Variants in SLC16A4 observed in about 807,000 individuals in gnomAD.
SLC16A4 encodes solute carrier family 16 member 4.
Under a neutral mutation model 47.9 loss-of-function variants are expected in SLC16A4, and 39 were observed. The observed-to-expected ratio is 0.81, with a 90% CI of 0.63 to 1.06. The LOEUF (loss-of-function observed/expected upper bound fraction) is 1.06, where lower values mean the gene tolerates loss of function less well. SLC16A4 is among the 50% of genes least tolerant of loss of function. The probability of loss-of-function intolerance (pLI) is 0.00; values close to 1 mark genes in which losing one functional copy is unlikely to be tolerated. For synonymous variants in SLC16A4, 189 were observed against 199.9 expected (o/e 0.95, Z 0.46); for missense variants, 524 against 573.8 (o/e 0.91, Z 0.89).
At chr1:110,383,097 T>C (rs1046815016) in intron 2 of SLC16A4, 131 bp from the exon 3 acceptor site, 1 of 664,172 alleles carries the variant, frequency 1.5e-6, no homozygotes, top group Admixed American at 3.3e-5. Flanking sequence ...TTGAGCCTCA[T>C]TATACATCTT....
chr1:110,389,406 CTT>C, intron 1 of SLC16A4, 51 bp from the exon 2 acceptor site: 2 of 1,094,004 alleles, frequency 1.8e-6, no homozygotes, highest in Non-Finnish European at 2.8e-6. Flanking sequence ...CTAATCTAAA[CTT>C]TTAAACTTTT....
chr1:110,382,966 C>G lies in SLC16A4; in HGVS notation c.88G>C (p.Val30Leu). 1 of 1,604,136 alleles carries G rather than the reference C, an allele frequency of 6.2e-7. No individual in the cohort carries two copies. Among genetic ancestry groups the G allele is most frequent in the South Asian group, 1.1e-5 (1 of 90,028 alleles). ...GTCATCCCCATCACAAACACATTCA[C>G]CTAAATCAAAGCAGACCAGAGTCCA... ...GWMIVIHFFL[V>L]NVFVMGMTKT... The change falls in exon 3 of 9, where the codon GTG becomes CTG. Residue 30 changes from valine (V) to leucine (L), a missense_variant and splice_region_variant. Transcript: ENST00000369779.
chr1:110,384,970 A>G (rs1215922075), intron 2 of SLC16A4, among the ~76,000 whole-genome samples: 1 of 152,152 alleles, frequency 6.6e-6, no homozygotes, highest in African/African-American at 2.4e-5. Flanking sequence ...TTGTGATCAC[A>G]CTACTGCACT....
chr1:110,389,238 A>C lies in SLC16A4; in HGVS notation c.86T>G (p.Leu29Arg). ...AGGGGGAAAAAAGTGAATTCTTACC[A>C]GGAAAAAATGAATCACAATCATCCA... ...WGWMIVIHFF[L>R]VNVFVMGMTK... The change falls in exon 2 of 9, where the codon CTG becomes CGG. Residue 29 changes from leucine to arginine, a missense_variant and splice_region_variant. Coordinates refer to ENST00000369779, the MANE Select transcript of SLC16A4 (RefSeq NM_004696.3). The C allele has an allele frequency of 6.2e-7, 1 of 1,613,204 alleles. No homozygotes were observed. The highest frequency in any genetic ancestry group is 8.5e-7 in the Non-Finnish European group (1 of 1,179,108).
chr1:110,381,383 A>C (rs1218362337), intron 4 of SLC16A4, among the ~76,000 whole-genome samples: 1 of 152,172 alleles, frequency 6.6e-6, no homozygotes, highest in Non-Finnish European at 1.5e-5. Context: ...GTGCAGTGGC[A>C]CAATCTCGGC....
chr1:110,376,226 T>C (rs766493575), intron 7 of SLC16A4, among the ~76,000 whole-genome samples: 4 of 152,202 alleles, frequency 2.6e-5, no homozygotes, highest in Non-Finnish European at 5.9e-5. Flanking sequence ...ACCATTGGTT[T>C]GTAAGTAATC....
chr1:110,374,007 T>TTTTATATATATATATATA (rs1261662873), intron 8 of SLC16A4, among the ~76,000 whole-genome samples: 2 of 150,140 alleles, frequency 1.3e-5, no homozygotes, highest in Non-Finnish European at 3.0e-5. Context: ...TATCCTTAGT[T>TTTTATATATATATATATA]TATAGTCTCC....
intron 8 of SLC16A4, among the ~76,000 whole-genome samples, chr1:110,367,974 G>A (rs531367805): frequency 5.5e-4 from 83 of 152,044 alleles, no homozygotes; most frequent in South Asian, 4.8e-3. Context: ...GACCATAGGC[G>A]TCCGCCACCG....
chr1:110,367,706 A>AAT (rs748268052), intron 8 of SLC16A4, among the ~76,000 whole-genome samples: 14 of 151,716 alleles, frequency 9.2e-5, no homozygotes, highest in South Asian at 4.2e-4. Flanking sequence ...AAAAATTTAA[A>AAT]ATATATATAT....
At chr1:110,373,913 A>G (rs1219937917) in intron 8 of SLC16A4, among the ~76,000 whole-genome samples, 1 of 149,250 alleles carries the variant, frequency 6.7e-6, no homozygotes, top group Non-Finnish European at 1.5e-5. Context: ...CTGGACTCAC[A>G]CAATCCTCCC....
intron 3 of SLC16A4, 123 bp from the exon 4 acceptor site, chr1:110,381,918 A>G: frequency 1.1e-6 from 1 of 917,232 alleles, no homozygotes; most frequent in East Asian, 2.8e-5. Context: ...AGTATTACGT[A>G]TTCTTCAAAA....
At chr1:110,377,259 C>T in intron 6 of SLC16A4, 98 bp from the exon 7 acceptor site, 2 of 975,700 alleles carry the variant, frequency 2.0e-6, no homozygotes, top group South Asian at 1.6e-5. Context: ...CATCCTGAGG[C>T]CAGGATATGT....
At chr1:110,371,763 C>T (rs1250131879) in intron 8 of SLC16A4, 1 of 152,152 alleles carries the variant, frequency 6.6e-6, no homozygotes, top group Non-Finnish European at 1.5e-5. Flanking sequence ...TCCTAAAACT[C>T]ACCTACTCTA....
At chr1:110,374,514 T>G (rs1661875540) in intron 8 of SLC16A4, among the ~76,000 whole-genome samples, 1 of 152,242 alleles carries the variant, frequency 6.6e-6, no homozygotes, top group African/African-American at 2.4e-5. Context: ...CATAGTAATT[T>G]GTACACTGAA....
intron 8 of SLC16A4, among the ~76,000 whole-genome samples, chr1:110,374,645 G>C (rs1418096601): frequency 6.6e-6 from 1 of 152,212 alleles, no homozygotes; most frequent in Non-Finnish European, 1.5e-5. Flanking sequence ...AGTACAGAAT[G>C]TCTAATTAGG....
chr1:110,376,569 G>A, intron 7 of SLC16A4, among the ~76,000 whole-genome samples: 1 of 152,180 alleles, frequency 6.6e-6, no homozygotes, highest in Admixed American at 6.5e-5. Context: ...CACTGGTCGG[G>A]AAATCCTTTT....
intron 8 of SLC16A4, chr1:110,373,109 G>A (rs1186304402): frequency 6.6e-6 from 1 of 151,846 alleles, no homozygotes; most frequent in Admixed American, 6.6e-5. Flanking sequence ...TTCTTTTCAG[G>A]TAATGGTCTT....
chr1:110,377,023 G>C lies in SLC16A4; in HGVS notation c.1169C>G (p.Pro390Arg). 1.2e-6 allele frequency: 2 copies of C among 1,614,120 alleles called. No individual in the cohort carries two copies. The highest frequency in any genetic ancestry group is 1.7e-6 in the Non-Finnish European group (2 of 1,180,002). The change falls in exon 7 of 9, where the codon CCA becomes CGA. Residue 390 changes from proline to arginine, a missense_variant. Coordinates refer to ENST00000369779, the MANE Select transcript of SLC16A4 (RefSeq NM_004696.3). ...NLLAPLATTF[P>R]LLMTYTICFA... is the part of the protein sequence containing the mutation. ...GCAGATGGTGTAGGTCATAAGTAGT[G>C]GAAATGTGGTGGCTAAAGGAGCAAG... is the stretch of plus-strand genomic sequence containing the variant.
At chr1:110,365,495 T>C (rs1448829886) in intron 8 of SLC16A4, among the ~76,000 whole-genome samples, 1 of 152,224 alleles carries the variant, frequency 6.6e-6, no homozygotes, top group African/African-American at 2.4e-5. Context: ...TTAAGTTGCT[T>C]TTTACTTACT....
Sources: gnomAD v4.1 joint callset for allele counts (sites outside exome capture counted in the v4.1 genomes callset) on GRCh38, gnomAD v4.1.1 for gene constraint, MANE v1.5 for transcripts, NCBI Gene and HGNC (gene_info 2026-07-23, HGNC 2026-07-21) for gene names.